TSHZ2: variants seen among roughly 807,000 people sequenced by gnomAD.
The protein encoded by TSHZ2 is teashirt zinc finger homeobox 2.
Under a neutral mutation model 74.4 loss-of-function variants are expected in TSHZ2, and 21 were observed. The observed-to-expected ratio is 0.28, with a 90% CI of 0.20 to 0.41. TSHZ2 has a LOEUF of 0.41. Among genes scored for constraint, TSHZ2 ranks in the 10% least tolerant of loss-of-function variants. The probability of loss-of-function intolerance (pLI) is 1.00; values close to 1 mark genes in which losing one functional copy is unlikely to be tolerated. For missense variants in TSHZ2, 1,244 were observed against 1,293.5 expected, an observed-to-expected ratio of 0.96 and a Z score of 0.59; for synonymous variants, 540 against 515.3, an observed-to-expected ratio of 1.05 and a Z score of -0.65.
In TSHZ2 at chr20:53,337,286, C is replaced by T. The variant is rs551596314; in HGVS notation, c.*8+80715C>T. On this transcript the variant is annotated intron_variant, in intron 2 of 2. Transcript: ENST00000371497. The stretch of plus-strand genomic sequence containing the variant: ...GGACTTTCATCACATCTAGAAAACA[C>T]GTTCACAGCAACACCTAGATAATTA... Among the ~76,000 whole-genome samples, 6 of 152,324 alleles carry T rather than the reference C, an allele frequency of 3.9e-5. No homozygotes were observed. In the South Asian group the frequency reaches 1.0e-3, roughly 26 times the overall value.
intron 2 of TSHZ2, among the ~76,000 whole-genome samples, chr20:53,407,687 G>A (rs899874246): frequency 2.6e-5 from 4 of 152,132 alleles, no homozygotes; most frequent in African/African-American, 9.7e-5. Flanking sequence ...TTAAGGCAGG[G>A]GTTGGCAAAC....
intron 1 of TSHZ2, among the ~76,000 whole-genome samples, chr20:53,039,499 A>G (rs1475356062): frequency 1.3e-5 from 2 of 152,198 alleles, no homozygotes; most frequent in Non-Finnish European, 2.9e-5. Context: ...ACACTGCTCT[A>G]GGCACTGGGG....
intron 1 of TSHZ2, among the ~76,000 whole-genome samples, chr20:53,116,446 C>A (rs1568767181): frequency 1.3e-5 from 2 of 152,176 alleles, no homozygotes; most frequent in South Asian, 4.2e-4. Context: ...CTGACTACAA[C>A]CTCGCTCATT....
chr20:53,031,330 A>G (rs1052058888), intron 1 of TSHZ2, among the ~76,000 whole-genome samples: 6 of 152,200 alleles, frequency 3.9e-5, no homozygotes, highest in Non-Finnish European at 7.3e-5. Flanking sequence ...CAGCCTTGTC[A>G]GTCACCCACA....
At chr20:53,436,195 C>G (rs1984058447) in intron 2 of TSHZ2, among the ~76,000 whole-genome samples, 1 of 152,182 alleles carries the variant, frequency 6.6e-6, no homozygotes, top group Admixed American at 6.5e-5. Context: ...CCTGGTGACT[C>G]AAAGAGCAAG....
intron 2 of TSHZ2, among the ~76,000 whole-genome samples, chr20:53,438,425 G>C (rs188339844): frequency 5.2e-4 from 79 of 152,222 alleles, no homozygotes; most frequent in Admixed American, 3.1e-3. Context: ...TGGTGGCTCA[G>C]AAACCTCCAG....
chr20:53,227,905 T>A (rs1267169601), intron 1 of TSHZ2, among the ~76,000 whole-genome samples: 1 of 152,148 alleles, frequency 6.6e-6, no homozygotes, highest in African/African-American at 2.4e-5. Flanking sequence ...TTTTTCTTAT[T>A]TTTAACGAAC....
At chr20:53,463,406 GGAAGGAAGGAAGGAAGGAAGGAAGGAA>G (rs1985448693) in intron 2 of TSHZ2, among the ~76,000 whole-genome samples, 2 of 118,684 alleles carry the variant, frequency 1.7e-5, no homozygotes, top group African/African-American at 7.0e-5. Context: ...AAGGAAGGAA[GGAAGGAAGGAAGGAAGGAAGGAAGGAA>G]GGAGGGAGGG....
chr20:53,284,236 C>T lies in TSHZ2; in HGVS notation c.*8+27665C>T, dbSNP rs533659318. On this transcript the variant is annotated intron_variant, in intron 2 of 2. Transcript: ENST00000371497. ...CCGCCACCTCCATCTTAGTTACGCA[C>T]GCCCATCTTTTTCAATCTAATGAAC... Among the ~76,000 whole-genome samples the T allele has an allele frequency of 3.9e-5, 6 of 152,276 alleles. No individual in the cohort carries two copies. The South Asian group carries it at 6.2e-4, about 16-fold the overall frequency.
At chr20:53,398,410 T>A (rs1432245643) in intron 2 of TSHZ2, 1 of 152,108 alleles carries the variant, frequency 6.6e-6, no homozygotes, top group Non-Finnish European at 1.5e-5. Flanking sequence ...TAATTAGGAG[T>A]ATCTGAAGTC....
At chr20:53,085,322 G>A (rs1185480413) in intron 1 of TSHZ2, among the ~76,000 whole-genome samples, 3 of 152,074 alleles carry the variant, frequency 2.0e-5, no homozygotes, top group South Asian at 2.1e-4. Context: ...CCAAGATCGC[G>A]CCACTGAACT....
At chr20:53,357,312 T>C (rs1331909614) in intron 2 of TSHZ2, among the ~76,000 whole-genome samples, 2 of 152,188 alleles carry the variant, frequency 1.3e-5, no homozygotes, top group Non-Finnish European at 2.9e-5. Context: ...TCTTATAATC[T>C]GGGCTTACTT....
intron 2 of TSHZ2, among the ~76,000 whole-genome samples, chr20:53,311,984 G>C (rs1030675614): frequency 1.3e-5 from 2 of 152,128 alleles, no homozygotes; most frequent in Non-Finnish European, 2.9e-5. Context: ...ATGAGGCTGA[G>C]GTGGGAGGAT....
At chr20:53,264,106 G>A (rs967131404) in intron 2 of TSHZ2, among the ~76,000 whole-genome samples, 2 of 152,230 alleles carry the variant, frequency 1.3e-5, no homozygotes, top group African/African-American at 4.8e-5. Flanking sequence ...AATACTCATT[G>A]CCGGCGTAGC....
chr20:53,436,007 C>T (rs568729086), intron 2 of TSHZ2, among the ~76,000 whole-genome samples: 55 of 152,296 alleles, frequency 3.6e-4, no homozygotes, highest in African/African-American at 1.2e-3. Flanking sequence ...GTGCCTTGCA[C>T]GTAACAAGTG....
intron 2 of TSHZ2, among the ~76,000 whole-genome samples, chr20:53,453,684 G>A (rs914462364): frequency 7.2e-5 from 11 of 152,178 alleles, no homozygotes; most frequent in African/African-American, 2.7e-4. Flanking sequence ...GATATTGGGG[G>A]AATCCTTCAT....
chr20:53,351,788 C>T (rs556294765), intron 2 of TSHZ2, among the ~76,000 whole-genome samples: 196 of 152,288 alleles, frequency 1.3e-3, no homozygotes, highest in Non-Finnish European at 2.5e-3. Flanking sequence ...GTAGCAAAAA[C>T]AGACATCTTC....
At chr20:53,285,242 C>T (rs1296305042) in intron 2 of TSHZ2, among the ~76,000 whole-genome samples, 2 of 152,172 alleles carry the variant, frequency 1.3e-5, no homozygotes, top group Non-Finnish European at 2.9e-5. Flanking sequence ...CAAGGATAAA[C>T]GTGAATGCGG....
chr20:53,231,396 G>A (rs1476843047), intron 1 of TSHZ2, among the ~76,000 whole-genome samples: 1 of 152,196 alleles, frequency 6.6e-6, no homozygotes, highest in African/African-American at 2.4e-5. Context: ...GAATATTGAA[G>A]AGCTGTTTCT....
Sources: gnomAD v4.1 joint callset for allele counts (sites outside exome capture counted in the v4.1 genomes callset) on GRCh38, gnomAD v4.1.1 for gene constraint, MANE v1.5 for transcripts, NCBI Gene and HGNC (gene_info 2026-07-23, HGNC 2026-07-21) for gene names.